Variants in PIAS2 observed in about 807,000 individuals in gnomAD.
The protein encoded by PIAS2 is E3 SUMO-protein ligase PIAS2.
A neutral mutation model predicts 69.7 loss-of-function variants in PIAS2; 19 were observed. The observed-to-expected ratio is 0.27, with a 90% CI of 0.19 to 0.40. PIAS2 has a LOEUF of 0.40. PIAS2 is among the 10% of genes least tolerant of loss of function. The pLI is 1.00. For missense variants in PIAS2, 624 were observed against 757.0 expected (o/e 0.82, Z 2.06); for synonymous variants, 261 against 263.2 (o/e 0.99, Z 0.08).
chr18:46,920,042 GC>G (rs750959341), upstream of PIAS2: 1 of 1,287,988 alleles, frequency 7.8e-7, no homozygotes, highest in South Asian at 1.2e-5. Context: ...GAAAAGCAAA[GC>G]CCCACTGAAA....
chr18:46,905,095 AAATAAAAATT>A (rs1246024938), intron 1 of PIAS2, among the ~76,000 whole-genome samples: 1 of 152,218 alleles, frequency 6.6e-6, no homozygotes, highest in Non-Finnish European at 1.5e-5. Flanking sequence ...CTTCATGTAC[AAATAAAAATT>A]ATTAAAATGG....
At chr18:46,820,748 A>T (rs1244592578) in intron 12 of PIAS2, among the ~76,000 whole-genome samples, 185 bp downstream of exon 12, 1 of 152,174 alleles carries the variant, frequency 6.6e-6, no homozygotes, top group Admixed American at 6.6e-5. Flanking sequence ...GAATCTATAG[A>T]TTGCTCTGTA....
intron 2 of PIAS2, among the ~76,000 whole-genome samples, chr18:46,874,700 C>T (rs1337098612): frequency 6.6e-6 from 1 of 152,150 alleles, no homozygotes; most frequent in Non-Finnish European, 1.5e-5. Context: ...GACATTCCTA[C>T]GTTTGAAACT....
chr18:46,840,116 G>A (rs561255739), intron 8 of PIAS2, among the ~76,000 whole-genome samples: 11 of 151,236 alleles, frequency 7.3e-5, no homozygotes, highest in African/African-American at 1.5e-4. Flanking sequence ...AGCTGAGATC[G>A]TGCCACTGCA....
At chr18:46,859,095 G>C (rs1250708668) in intron 3 of PIAS2, among the ~76,000 whole-genome samples, 1 of 152,152 alleles carries the variant, frequency 6.6e-6, no homozygotes, top group Non-Finnish European at 1.5e-5. Context: ...CAAAGGTAGA[G>C]TTGCCTTGCT....
At chr18:46,899,527 G>A (rs145538212) in intron 1 of PIAS2, among the ~76,000 whole-genome samples, 65 of 152,336 alleles carry the variant, frequency 4.3e-4, no homozygotes, top group African/African-American at 1.5e-3. Flanking sequence ...GAGTGCAGTG[G>A]TGCAAACACT....
chr18:46,848,141 T>C (rs185289240), intron 5 of PIAS2, among the ~76,000 whole-genome samples: 8 of 152,342 alleles, frequency 5.3e-5, no homozygotes, highest in East Asian at 1.9e-4. Context: ...CACTCTCCTA[T>C]GTGCAAGCAG....
At chr18:46,919,019 G>A (rs1268358963), upstream of PIAS2, among the ~76,000 whole-genome samples, 2 of 151,636 alleles carry the variant, frequency 1.3e-5, no homozygotes, top group Non-Finnish European at 2.9e-5. Flanking sequence ...GTGTGTGTGT[G>A]TGTGTGTGTG....
chr18:46,843,399 T>C (rs564539315), intron 8 of PIAS2, among the ~76,000 whole-genome samples: 1 of 152,330 alleles, frequency 6.6e-6, no homozygotes, highest in South Asian at 2.1e-4. Context: ...CTCCAATTCA[T>C]TCACTGCTCC....
chr18:46,866,752 C>T (rs189498452), intron 2 of PIAS2, among the ~76,000 whole-genome samples: 3 of 152,204 alleles, frequency 2.0e-5, no homozygotes. Flanking sequence ...AATTATCTCC[C>T]CAACAGTTGT....
intron 9 of PIAS2, among the ~76,000 whole-genome samples, chr18:46,832,756 G>T (rs1053930222): frequency 6.6e-6 from 1 of 151,968 alleles, no homozygotes; most frequent in Non-Finnish European, 1.5e-5. Flanking sequence ...GCCAAGCGTG[G>T]TGGTGGGTGC....
At chr18:46,822,661 G>C (rs72907122) in intron 11 of PIAS2, among the ~76,000 whole-genome samples, 1,586 of 152,174 alleles carry the variant, frequency 0.01, 12 homozygotes, top group Non-Finnish European at 0.017. Flanking sequence ...TCCTCCACAG[G>C]GATCAAACGA....
At chr18:46,831,562 A>G (rs567537279) in intron 9 of PIAS2, among the ~76,000 whole-genome samples, 2 of 152,362 alleles carry the variant, frequency 1.3e-5, no homozygotes, top group East Asian at 3.9e-4. Flanking sequence ...AAAGAAGAAC[A>G]AAGTTGGAAG....
At chr18:46,829,559 T>C (rs2043294468) in intron 10 of PIAS2, among the ~76,000 whole-genome samples, 175 bp downstream of exon 10, 1 of 152,218 alleles carries the variant, frequency 6.6e-6, no homozygotes. Context: ...TAAGATGGTA[T>C]AAACTTTAGC....
rs1278241026 is a variant in PIAS2, at chr18:46,873,145, C to T, written c.500-8897G>A. 2.0e-5 allele frequency among the ~76,000 whole-genome samples: 3 copies of T among 152,302 alleles called. No homozygotes were observed. In the South Asian group the frequency reaches 6.2e-4, roughly 32 times the overall value. On this transcript the variant is annotated intron_variant, in intron 2 of 13. Coordinates refer to ENST00000585916, the MANE Select transcript of PIAS2 (RefSeq NM_004671.5). ...GCAGGAAGCTAACCTTTGGGGGAAA[C>T]TTGGTGGTGACCACACCCCATCAGG...
At chr18:46,816,430 T>C in intron 12 of PIAS2, 1 of 985,264 alleles carries the variant, frequency 1.0e-6, no homozygotes, top group East Asian at 1.1e-4. Context: ...AAGAAATCAT[T>C]CCAACGATTT....
intron 5 of PIAS2, among the ~76,000 whole-genome samples, chr18:46,848,688 C>T (rs921531346): frequency 2.0e-5 from 3 of 151,782 alleles, no homozygotes; most frequent in African/African-American, 7.3e-5. Flanking sequence ...TCATTAAAAA[C>T]GTTTGAGCAG....
Position 46,917,373 on chromosome 18 carries a change from G to A in PIAS2, c.-28C>T, listed in dbSNP as rs2058097293. Reference sequence around the variant, plus strand: ...TATACCACCCGCGGGCGCCGCCGCCGCTGCCGCCGCACCCACTCCCGCTGC... The same window carrying A: ...TATACCACCCGCGGGCGCCGCCGCCACTGCCGCCGCACCCACTCCCGCTGC... On this transcript the variant is annotated 5_prime_UTR_variant, in exon 1 of 14. Coordinates refer to ENST00000585916, the MANE Select transcript of PIAS2 (RefSeq NM_004671.5). 9.0e-6 allele frequency: 13 copies of A among 1,449,988 alleles called. No homozygotes were observed. Among genetic ancestry groups the A allele is most frequent in the African/African-American group, 1.5e-5 (1 of 66,748 alleles). 89.8% of individuals were successfully genotyped at this position (1,449,988 alleles called of 1,614,324 possible).
intron 8 of PIAS2, among the ~76,000 whole-genome samples, chr18:46,837,522 T>C (rs1190813270): frequency 6.6e-6 from 1 of 152,228 alleles, no homozygotes; most frequent in Non-Finnish European, 1.5e-5. Flanking sequence ...AAATATATTT[T>C]TCATTTATGT....
Sources: allele counts gnomAD v4.1 joint callset (sites outside exome capture counted in the v4.1 genomes callset), GRCh38; gene constraint gnomAD v4.1.1; transcripts MANE v1.5; gene names NCBI Gene and HGNC (gene_info 2026-07-23, HGNC 2026-07-21).